Variants in RNF144B observed in about 807,000 individuals in gnomAD.
The protein encoded by RNF144B is E3 ubiquitin-protein ligase RNF144B.
A neutral mutation model predicts 40.2 loss-of-function variants in RNF144B; 25 were observed. The ratio of observed to expected loss-of-function variants is 0.62; its 90% CI spans 0.45 to 0.87. The LOEUF (loss-of-function observed/expected upper bound fraction) is 0.87. Ranked by LOEUF, RNF144B falls within the 40% of genes least tolerant of loss-of-function variation. The pLI, the probability that RNF144B is intolerant of heterozygous loss-of-function variation, is 0.00. For missense variants in RNF144B, 365 were observed against 373.7 expected (o/e 0.98, Z 0.19); for synonymous variants, 145 against 136.3 (o/e 1.06, Z -0.44).
rs1310458048 is a variant in RNF144B at position 18,434,854 on chromosome 6, C to CTCG, written c.271-4828_271-4826dup. Among the ~76,000 whole-genome samples the CTCG allele has an allele frequency of 6.6e-6, 1 of 152,182 alleles. No individual in the cohort carries two copies. Among genetic ancestry groups the CTCG allele is most frequent in the African/African-American group, 2.4e-5 (1 of 41,442 alleles). ...GCCAGGATGGTCTCAATCTCCTGAC[C>CTCG]TCGTGATCCACCTGCCTCGGCCTCC... On this transcript the variant is annotated intron_variant, in intron 3 of 7. Coordinates refer to ENST00000259939, the MANE Select transcript of RNF144B (RefSeq NM_182757.4). This position sits in a 1 kb window ranked among gnomAD's most constrained non-coding sequence, Gnocchi z 4.1.
intron 2 of RNF144B, among the ~76,000 whole-genome samples, chr6:18,404,320 C>T (rs1011009752): frequency 1.3e-5 from 2 of 152,172 alleles, no homozygotes; most frequent in African/African-American, 4.8e-5. Context: ...GATAAGAAGA[C>T]TCAGGCTCAA....
At chr6:18,462,247 C>T (rs542677832) in intron 6 of RNF144B, among the ~76,000 whole-genome samples, 2 of 152,178 alleles carry the variant, frequency 1.3e-5, no homozygotes, top group East Asian at 1.9e-4. Context: ...CGGATTGCCA[C>T]GTAGTCACAC....
rs1758987455 is a variant in RNF144B, at chr6:18,442,544, T to A, written c.331+2800T>A. On this transcript the variant is annotated intron_variant, in intron 4 of 7. Coordinates refer to ENST00000259939, the MANE Select transcript of RNF144B (RefSeq NM_182757.4). The surrounding 1 kb of genome is among the most constrained non-coding windows in gnomAD (Gnocchi z 4.3). ...TAAAATTCTATACTTTTCTTTTTGT[T>A]ATTAAACATATACCTAACATAAAAG... 6.6e-6 allele frequency among the ~76,000 whole-genome samples: 1 copy of A among 152,244 alleles called. No individual in the cohort carries two copies. The highest frequency in any genetic ancestry group is 1.5e-5 in the Non-Finnish European group (1 of 68,046).
At chr6:18,391,385 T>G (rs987955634) in intron 1 of RNF144B, among the ~76,000 whole-genome samples, 11 of 152,166 alleles carry the variant, frequency 7.2e-5, no homozygotes, top group Non-Finnish European at 1.5e-4. Flanking sequence ...GTGGTGATAT[T>G]GAAGAGGTAG....
intron 2 of RNF144B, among the ~76,000 whole-genome samples, chr6:18,409,388 A>AAAC (rs1422295944): frequency 1.3e-5 from 2 of 150,116 alleles, no homozygotes; most frequent in East Asian, 3.9e-4. Context: ...AAAAAAAAAA[A>AAAC]AAAAAAAAAA....
chr6:18,447,978 A>G lies in RNF144B; in HGVS notation c.331+8234A>G, dbSNP rs953312196. 1.3e-5 allele frequency among the ~76,000 whole-genome samples: 2 copies of G among 152,154 alleles called. No individual in the cohort carries two copies. The highest frequency in any genetic ancestry group is 2.9e-5 in the Non-Finnish European group (2 of 68,020). On this transcript the variant is annotated intron_variant, in intron 4 of 7. Transcript: ENST00000259939. This position sits in a 1 kb window ranked among gnomAD's most constrained non-coding sequence, Gnocchi z 5.6. The stretch of plus-strand genomic sequence containing the variant: ...GTCCACTGGGTCCGAAGCTACTGAC[A>G]GATGAGGAGAGATATGGTCTGAGAG...
chr6:18,413,467 T>C (rs1196566106), intron 2 of RNF144B, among the ~76,000 whole-genome samples: 2 of 152,244 alleles, frequency 1.3e-5, no homozygotes, highest in Admixed American at 6.5e-5. Flanking sequence ...AGATTGAGCA[T>C]GAACATGAGT....
In RNF144B at chr6:18,412,853, G is replaced by C. The variant is rs936702746; in HGVS notation, c.165+13154G>C. On this transcript the variant is annotated intron_variant, in intron 2 of 7. Transcript: ENST00000259939. The surrounding 1 kb of genome is among the most constrained non-coding windows in gnomAD (Gnocchi z 4.2). ...GGTTTTGAATCATTTCCCACCCACAGTAAGGAGGTCTTTTTGGTTTGACTC... is the reference window on the plus strand; with the variant it reads ...GGTTTTGAATCATTTCCCACCCACACTAAGGAGGTCTTTTTGGTTTGACTC... 5.9e-5 allele frequency among the ~76,000 whole-genome samples: 9 copies of C among 152,122 alleles called. No individual in the cohort carries two copies. The highest frequency in any genetic ancestry group is 2.2e-4 in the African/African-American group (9 of 41,428).
rs536632267 is a variant in RNF144B, at chr6:18,443,075, T to A, written c.331+3331T>A. On this transcript the variant is annotated intron_variant, in intron 4 of 7. Transcript: ENST00000259939. The surrounding 1 kb of genome is among the most constrained non-coding windows in gnomAD (Gnocchi z 4.7). Reference sequence around the variant, plus strand: ...TGGGATTACGGGATCATGTGGTAATTTTACATTTAGTTTTTGAGGAACTGC... The same window carrying A: ...TGGGATTACGGGATCATGTGGTAATATTACATTTAGTTTTTGAGGAACTGC... 1.4e-3 allele frequency among the ~76,000 whole-genome samples: 216 copies of A among 152,244 alleles called. No individual in the cohort carries two copies. Among genetic ancestry groups the A allele is most frequent in the Middle Eastern group, 3.4e-3 (1 of 294 alleles).
intron 2 of RNF144B, among the ~76,000 whole-genome samples, chr6:18,417,268 T>C (rs932191201): frequency 6.6e-6 from 1 of 152,092 alleles, no homozygotes; most frequent in African/African-American, 2.4e-5. Flanking sequence ...CCTAGAATGG[T>C]GAAACAATCT....
Position 18,468,222 on chromosome 6 carries a change from A to G in RNF144B, c.*3155A>G, listed in dbSNP as rs1008250541. 2 of 152,198 alleles carry G rather than the reference A, an allele frequency of 1.3e-5. No homozygotes were observed. Among genetic ancestry groups the G allele is most frequent in the Non-Finnish European group, 2.9e-5 (2 of 68,044 alleles). 9.4% of individuals were successfully genotyped at this position (152,198 alleles called of 1,614,324 possible). On this transcript the variant is annotated 3_prime_UTR_variant, in exon 8 of 8. Transcript: ENST00000259939. ...GGATGTTATAGCCCAGCATCTAGAA[A>G]TCCTATGAAACGTATTAGCACAATA...
chr6:18,389,024 A>G (rs1045563273), intron 1 of RNF144B, among the ~76,000 whole-genome samples: 1 of 152,084 alleles, frequency 6.6e-6, no homozygotes, highest in Non-Finnish European at 1.5e-5. Context: ...CAAAACCCCA[A>G]ACAATCACCC....
rs1353416497 is a variant in RNF144B, at chr6:18,400,636, T to C, written c.165+937T>C. On this transcript the variant is annotated intron_variant, in intron 2 of 7. Coordinates refer to ENST00000259939, the MANE Select transcript of RNF144B (RefSeq NM_182757.4). This position sits in a 1 kb window ranked among gnomAD's most constrained non-coding sequence, Gnocchi z 5.6. ...AAAGGTAGGAAATAGATTGAGTTCC[T>C]GTAGGCTTCAGTGATGACACAGAAT... 1.3e-5 allele frequency among the ~76,000 whole-genome samples: 2 copies of C among 152,200 alleles called. No homozygotes were observed. The highest frequency in any genetic ancestry group is 6.5e-5 in the Admixed American group (1 of 15,276).
Position 18,459,627 on chromosome 6 carries a change from C to T in RNF144B, c.557C>T (p.Ala186Val). 6.2e-7 allele frequency: 1 copy of T among 1,613,724 alleles called. No homozygotes were observed. Among genetic ancestry groups the T allele is most frequent in the Non-Finnish European group, 8.5e-7 (1 of 1,179,756 alleles). The change falls in exon 6 of 8, where the codon GCA (alanine) becomes GTA (valine). Residue 186 changes from alanine (A) to valine (V), a missense_variant. Physicochemically the swap from Ala to Val is moderately conservative, Grantham distance 64. Transcript: ENST00000259939. This position sits in a 1 kb window ranked among gnomAD's most constrained non-coding sequence, Gnocchi z 4.2. Reference sequence around the variant, plus strand: ...TCTAGAGCCCTCTTTGGGACAGATGCAGAAGCCCCCATTAAGCAGTGCCCA... The same window carrying T: ...TCTAGAGCCCTCTTTGGGACAGATGTAGAAGCCCCCATTAAGCAGTGCCCA... ...TEHRALFGTDAEAPIKQCPVC... is the reference protein window; with the variant it reads ...TEHRALFGTDVEAPIKQCPVC...
chr6:18,451,322 CAT>C (rs1446736681), intron 4 of RNF144B, among the ~76,000 whole-genome samples: 1 of 152,114 alleles, frequency 6.6e-6, no homozygotes, highest in Non-Finnish European at 1.5e-5. Context: ...GAATAATAGA[CAT>C]GTGTCTAATT....
At chr6:18,415,511 C>T (rs1795133573) in intron 2 of RNF144B, among the ~76,000 whole-genome samples, 1 of 152,160 alleles carries the variant, frequency 6.6e-6, no homozygotes, top group Non-Finnish European at 1.5e-5. Context: ...ATAAGGGTGC[C>T]AGTTCCATTC....
At chr6:18,421,374 T>C (rs1401720982) in intron 2 of RNF144B, among the ~76,000 whole-genome samples, 2 of 148,674 alleles carry the variant, frequency 1.3e-5, no homozygotes, top group Non-Finnish European at 3.0e-5. Flanking sequence ...ATGTGATGAG[T>C]GATGTTTAAC....
In RNF144B at chr6:18,467,435, T is replaced by C. The variant is rs1582455468; in HGVS notation, c.*2368T>C. 1 of 92,188 alleles carries C rather than the reference T, an allele frequency of 1.1e-5. No homozygotes were observed. Among genetic ancestry groups the C allele is most frequent in the East Asian group, 3.4e-4 (1 of 2,928 alleles). 5.7% of individuals were successfully genotyped at this position (92,188 alleles called of 1,614,324 possible). A position where few individuals can be genotyped will look rare whatever the true frequency, so the allele number is the denominator to read the frequency against. On this transcript the variant is annotated 3_prime_UTR_variant, in exon 8 of 8. Transcript: ENST00000259939. ...TTTTTTTTTTGCCAGGGCTATGGAG[T>C]GGGGGTTGTTTGTCAAACTGATTTT... is the stretch of plus-strand genomic sequence containing the variant.
intron 2 of RNF144B, among the ~76,000 whole-genome samples, chr6:18,408,854 T>G (rs2113473187): frequency 6.6e-6 from 1 of 152,228 alleles, no homozygotes; most frequent in African/African-American, 2.4e-5. Flanking sequence ...TGAATCAATT[T>G]CTAGGGAACA....
Sources: allele counts gnomAD v4.1 joint callset (sites outside exome capture counted in the v4.1 genomes callset), GRCh38; gene constraint gnomAD v4.1.1; non-coding constraint Gnocchi (gnomAD v3.1); transcripts MANE v1.5; gene names NCBI Gene and HGNC (gene_info 2026-07-23, HGNC 2026-07-21).